The following PAX5 variants were observed in gnomAD, a reference collection of about 807,000 sequenced individuals.
PAX5 encodes the protein paired box 5.
A neutral mutation model predicts 43.7 loss-of-function variants in PAX5; 9 were observed. The observed-to-expected ratio is 0.21, with a 90% CI of 0.12 to 0.36. The LOEUF is 0.36. PAX5 is among the 10% of genes least tolerant of loss of function. The pLI, the probability that PAX5 is intolerant of heterozygous loss-of-function variation, is 1.00. For synonymous variants in PAX5, 228 were observed against 214.3 expected (o/e 1.06, Z -0.56); for missense variants, 383 against 532.7 (o/e 0.72, Z 2.77).
intron 8 of PAX5, chr9:36,856,457 T>C (rs779640293): frequency 6.6e-6 from 1 of 152,172 alleles, no homozygotes; most frequent in Non-Finnish European, 1.5e-5. Flanking sequence ...TGCCACATAA[T>C]GACAGCACTC....
At chr9:36,973,256 G>T (rs1835131691) in intron 5 of PAX5, among the ~76,000 whole-genome samples, 4 of 152,016 alleles carry the variant, frequency 2.6e-5, no homozygotes. Flanking sequence ...CTTACCCCAG[G>T]GTCCAGGGCT....
At chr9:36,880,279 C>CCGCA (rs1826289146) in intron 8 of PAX5, among the ~76,000 whole-genome samples, 2 of 152,242 alleles carry the variant, frequency 1.3e-5, no homozygotes, top group South Asian at 4.1e-4. Context: ...GACACCCAGC[C>CCGCA]CGCACATCCA....
intron 5 of PAX5, among the ~76,000 whole-genome samples, chr9:36,974,809 C>A (rs376310750): frequency 2.6e-5 from 4 of 152,252 alleles, no homozygotes; most frequent in Middle Eastern, 3.4e-3. Flanking sequence ...CAAGGCTCCC[C>A]GGGGACAAAG....
At chr9:36,848,607 G>A (rs1480911329) in intron 8 of PAX5, among the ~76,000 whole-genome samples, 3 of 152,140 alleles carry the variant, frequency 2.0e-5, no homozygotes, top group Admixed American at 6.5e-5. Flanking sequence ...GCGCAGCCTG[G>A]AGAACAGGGA....
At chr9:36,889,877 G>A (rs896871838) in intron 7 of PAX5, among the ~76,000 whole-genome samples, 2 of 137,204 alleles carry the variant, frequency 1.5e-5, no homozygotes, top group African/African-American at 2.7e-5. Context: ...TTGCTTAGAC[G>A]CAACTTTTTC....
intron 7 of PAX5, among the ~76,000 whole-genome samples, chr9:36,899,941 T>C (rs148624325): frequency 5.3e-4 from 80 of 152,318 alleles, no homozygotes; most frequent in African/African-American, 1.9e-3. Context: ...TAATGCTGCC[T>C]CAAATCCTGT....
At chr9:37,008,219 A>G (rs1431886291) in intron 3 of PAX5, among the ~76,000 whole-genome samples, 2 of 151,884 alleles carry the variant, frequency 1.3e-5, no homozygotes, top group African/African-American at 4.8e-5. Context: ...GCCACTGCCT[A>G]ATTTTTGTAT....
Position 36,851,962 on chromosome 9 carries a change from G to A in PAX5, c.1013-5033C>T, listed in dbSNP as rs115200775. Among the ~76,000 whole-genome samples the A allele has an allele frequency of 4.3e-3, 649 of 152,334 alleles. 4 individuals carry two copies. The highest frequency in any genetic ancestry group is 0.015 in the African/African-American group (613 of 41,570). ...AGAAAATGGCCTTTGAAGTCACACA[G>A]ACCCAAGCTCCAGGCCGGCTCTTCC... On this transcript the variant is annotated intron_variant, in intron 8 of 9. Transcript: ENST00000358127.
chr9:36,886,394 A>C (rs950398726), intron 7 of PAX5, among the ~76,000 whole-genome samples: 5 of 152,198 alleles, frequency 3.3e-5, no homozygotes, highest in African/African-American at 1.2e-4. Context: ...ACCCAGTCTT[A>C]TGAATTCAAG....
At chr9:36,896,076 G>A (rs1172521436) in intron 7 of PAX5, among the ~76,000 whole-genome samples, 6 of 152,168 alleles carry the variant, frequency 3.9e-5, no homozygotes, top group Non-Finnish European at 7.3e-5. Context: ...CCACCAGAGG[G>A]AGATCAGCTA....
intron 6 of PAX5, among the ~76,000 whole-genome samples, chr9:36,949,253 G>A (rs1212797362): frequency 6.6e-6 from 1 of 151,956 alleles, no homozygotes; most frequent in Non-Finnish European, 1.5e-5. Context: ...GTAGAGACGG[G>A]GTTTCACCAT....
At chr9:37,007,058 C>A (rs1371171101) in intron 3 of PAX5, among the ~76,000 whole-genome samples, 4 of 152,158 alleles carry the variant, frequency 2.6e-5, no homozygotes, top group African/African-American at 9.7e-5. Context: ...TAGGAAGTTG[C>A]CAAGGGAGGG....
At chr9:36,901,791 C>T (rs539168383) in intron 7 of PAX5, among the ~76,000 whole-genome samples, 113 of 152,332 alleles carry the variant, frequency 7.4e-4, no homozygotes, top group Middle Eastern at 3.4e-3. Flanking sequence ...TGAGCCTCAG[C>T]TTCCTCTTCT....
chr9:36,868,342 G>A (rs1033458523), intron 8 of PAX5, among the ~76,000 whole-genome samples: 9 of 152,138 alleles, frequency 5.9e-5, no homozygotes, highest in Non-Finnish European at 1.3e-4. Context: ...CTGCAGGCAG[G>A]GCCAGGATCT....
chr9:36,954,525 T>C (rs546592868), intron 6 of PAX5, among the ~76,000 whole-genome samples: 2 of 152,352 alleles, frequency 1.3e-5, no homozygotes, highest in East Asian at 3.9e-4. Context: ...ATTATTACTA[T>C]CTCTTAACAC....
rs560447523 is a variant in PAX5 at position 36,837,189 on chromosome 9, C to T, written c.*3371G>A. ...GGCCTGGAGATCTGAGAATTCACTT[C>T]GCCTCTATGTTGCCGTGAGAGCCCC... On this transcript the variant is annotated 3_prime_UTR_variant, in exon 10 of 10. Transcript: ENST00000358127. The T allele has an allele frequency of 1.3e-5, 3 of 233,070 alleles. No homozygotes were observed. In the East Asian group the frequency reaches 1.8e-4, roughly 14 times the overall value. 14.4% of individuals were successfully genotyped at this position (233,070 alleles called of 1,614,324 possible). A position where few individuals can be genotyped will look rare whatever the true frequency, so the allele number is the denominator to read the frequency against.
intron 6 of PAX5, among the ~76,000 whole-genome samples, chr9:36,951,746 A>G (rs1323110368): frequency 6.6e-6 from 1 of 152,152 alleles, no homozygotes; most frequent in African/African-American, 2.4e-5. Flanking sequence ...GTAATTTTAT[A>G]TTTTTAATTT....
chr9:37,009,865 G>A (rs1487499541), intron 3 of PAX5, among the ~76,000 whole-genome samples: 1 of 152,066 alleles, frequency 6.6e-6, no homozygotes, highest in Non-Finnish European at 1.5e-5. Flanking sequence ...AGCACAAGTG[G>A]CCCCCTTGGA....
intron 6 of PAX5, among the ~76,000 whole-genome samples, chr9:36,948,967 A>C (rs1313436251): frequency 6.6e-6 from 1 of 152,212 alleles, no homozygotes; most frequent in Non-Finnish European, 1.5e-5. Context: ...ATAAAGGAAC[A>C]TTTGGAGTAC....
Sources: allele counts gnomAD v4.1 joint callset (sites outside exome capture counted in the v4.1 genomes callset), GRCh38; gene constraint gnomAD v4.1.1; transcripts MANE v1.5; gene names NCBI Gene and HGNC (gene_info 2026-07-23, HGNC 2026-07-21).